Variants in ALG12 observed in about 807,000 individuals in gnomAD.
The protein encoded by ALG12 is ALG12 alpha-1,6-mannosyltransferase.
Under a neutral mutation model 46.0 loss-of-function variants are expected in ALG12, and 36 were observed. The ratio of observed to expected loss-of-function variants is 0.78; its 90% CI spans 0.60 to 1.03. The LOEUF is 1.03. Ranked by LOEUF, ALG12 falls within the 50% of genes least tolerant of loss-of-function variation. ALG12 has a pLI of 0.00. For synonymous variants in ALG12, 326 were observed against 291.6 expected (o/e 1.12, Z -1.20); for missense variants, 599 against 633.5 (o/e 0.95, Z 0.58).
chr22:49,904,748 A>G (rs1437516762), intron 7 of ALG12, among the ~76,000 whole-genome samples: 1 of 152,076 alleles, frequency 6.6e-6, no homozygotes, highest in Non-Finnish European at 1.5e-5. Context: ...TAAAATATAT[A>G]TATATTTTTG....
In ALG12 at chr22:49,918,392, C is replaced by A; in HGVS notation, c.-208G>T. 6.0e-6 allele frequency: 1 copy of A among 167,332 alleles called. No homozygotes were observed. Among genetic ancestry groups the A allele is most frequent in the Non-Finnish European group, 1.3e-5 (1 of 78,014 alleles). The allele number at this position is 167,332 out of a possible 1,614,324, so 10.4% of individuals were successfully genotyped here. A position where few individuals can be genotyped will look rare whatever the true frequency, so the allele number is the denominator to read the frequency against. ...CCCAAATCTAAAGTGGCTACCGCAG[C>A]CCCGGCCGCTACGGCCGCAGAGACC... On this transcript the variant is annotated 5_prime_UTR_variant, in exon 1 of 10. Transcript: ENST00000330817.
chr22:49,907,741 A>G lies in ALG12; in HGVS notation c.972T>C (p.Ala324=). The part of the protein sequence containing the change: ...IYAFPMLNIT[A]ARGCSYLLNN... ...CTCACAGGTAGGAGCAGCCTCTGGC[A>G]GCCGTGATGTTGAGCATGGGGAAGG... is the stretch of plus-strand genomic sequence containing the variant. Residue 324 remains alanine, a synonymous_variant, in exon 7 of 10, where the codon GCT becomes GCC. Transcript: ENST00000330817. The G allele has an allele frequency of 6.2e-7, 1 of 1,614,124 alleles. No individual in the cohort carries two copies. The highest frequency in any genetic ancestry group is 8.5e-7 in the Non-Finnish European group (1 of 1,180,034).
chr22:49,869,398 C>T, the ALG12 span, among the ~76,000 whole-genome samples: 1 of 152,202 alleles, frequency 6.6e-6, no homozygotes, highest in African/African-American at 2.4e-5. Flanking sequence ...GTCCTCCAGA[C>T]CAGATTATTT....
chr22:49,913,787 A>T lies in ALG12; in HGVS notation c.-22T>A. On this transcript the variant is annotated 5_prime_UTR_variant, in exon 2 of 10. Transcript: ENST00000330817. ...CCATTCCAGGCTTTCAGCTTCACGTACCTTCACAGGCCAACAGTGCGAGAC... is the reference window on the plus strand; with the variant it reads ...CCATTCCAGGCTTTCAGCTTCACGTTCCTTCACAGGCCAACAGTGCGAGAC... 6.2e-7 allele frequency: 1 copy of T among 1,611,790 alleles called. No individual in the cohort carries two copies.
the ALG12 span, among the ~76,000 whole-genome samples, chr22:49,871,584 T>G: frequency 6.6e-6 from 1 of 152,122 alleles, no homozygotes; most frequent in Non-Finnish European, 1.5e-5. Context: ...TTAAAAAGCT[T>G]GTTGCTGAAA....
At chr22:49,908,293 G>C (rs972819772) in intron 6 of ALG12, among the ~76,000 whole-genome samples, 1 of 152,104 alleles carries the variant, frequency 6.6e-6, no homozygotes, top group Non-Finnish European at 1.5e-5. Context: ...ACTTCGGGAG[G>C]CCAAGGTGGG....
At chr22:49,887,189 G>A in the ALG12 span, 37 of 1,595,100 alleles carry the variant, frequency 2.3e-5, no homozygotes, top group East Asian at 4.2e-4. Context: ...AACTCACGAC[G>A]GCACCACTAG....
Position 49,906,691 on chromosome 22 carries a change from C to A in ALG12, c.992+1030G>T, listed in dbSNP as rs1207920557. On this transcript the variant is annotated intron_variant, in intron 7 of 9. Transcript: ENST00000330817. This position sits in a 1 kb window ranked among gnomAD's most constrained non-coding sequence, Gnocchi z 4.4. ...AGGCCGCGGCCCTCCTGGCCTGTAG[C>A]CCTGCCGCCCCTCAATGCCCAGCGT... 1.3e-5 allele frequency among the ~76,000 whole-genome samples: 2 copies of A among 152,192 alleles called. No individual in the cohort carries two copies. The highest frequency in any genetic ancestry group is 2.9e-5 in the Non-Finnish European group (2 of 68,022).
At chr22:49,860,336 T>C in the ALG12 span, among the ~76,000 whole-genome samples, 2 of 152,152 alleles carry the variant, frequency 1.3e-5, no homozygotes, top group Admixed American at 1.3e-4. Flanking sequence ...TACATATATA[T>C]AGTTTTACTT....
the ALG12 span, among the ~76,000 whole-genome samples, chr22:49,872,113 A>T: frequency 6.6e-6 from 1 of 152,346 alleles, no homozygotes; most frequent in African/African-American, 2.4e-5. Flanking sequence ...AGTTCTCCAT[A>T]GTGTACATTT....
At chr22:49,878,241 G>A in the ALG12 span, among the ~76,000 whole-genome samples, 1 of 143,438 alleles carries the variant, frequency 7.0e-6, no homozygotes, top group Non-Finnish European at 1.5e-5. Context: ...GGAGGCGGAG[G>A]TTACAGTGAG....
At chr22:49,872,356 A>G in the ALG12 span, among the ~76,000 whole-genome samples, 2 of 152,182 alleles carry the variant, frequency 1.3e-5, no homozygotes, top group African/African-American at 2.4e-5. Flanking sequence ...ATTCCGCCGT[A>G]TCTTTGGGTT....
At chr22:49,887,905 CTCA>C in the ALG12 span, 1 of 167,242 alleles carries the variant, frequency 6.0e-6, no homozygotes, top group African/African-American at 2.4e-5. Context: ...TGTAACTGTG[CTCA>C]TCACTTCGCC....
the ALG12 span, among the ~76,000 whole-genome samples, chr22:49,859,644 G>A: frequency 5.9e-5 from 9 of 152,256 alleles, no homozygotes; most frequent in South Asian, 1.0e-3. Flanking sequence ...TGCCCTGTTC[G>A]CGGACACAGC....
At chr22:49,912,873 G>GA (rs71729997) in intron 3 of ALG12, among the ~76,000 whole-genome samples, 11,998 of 148,938 alleles carry the variant, frequency 0.081, 590 homozygotes, top group South Asian at 0.12. Flanking sequence ...TCTCAAAAAA[G>GA]AAAAAAAAAT....
At chr22:49,884,226 G>T in the ALG12 span, 5 of 1,602,560 alleles carry the variant, frequency 3.1e-6, no homozygotes, top group African/African-American at 1.3e-5. Context: ...CCTCACTCCT[G>T]CTTCCACCAC....
chr22:49,908,150 C>G (rs2060554264), intron 6 of ALG12, among the ~76,000 whole-genome samples: 1 of 152,246 alleles, frequency 6.6e-6, no homozygotes, highest in Non-Finnish European at 1.5e-5. Flanking sequence ...ACACATACCA[C>G]TTGGGCGTCG....
At chr22:49,870,698 A>C in the ALG12 span, among the ~76,000 whole-genome samples, 1 of 152,102 alleles carries the variant, frequency 6.6e-6, no homozygotes, top group East Asian at 1.9e-4. Flanking sequence ...AGCTTCTTAT[A>C]GATTCTGGAT....
the ALG12 span, among the ~76,000 whole-genome samples, chr22:49,882,786 G>A: frequency 6.6e-6 from 1 of 152,248 alleles, no homozygotes; most frequent in East Asian, 1.9e-4. Flanking sequence ...TGGGTGACAG[G>A]AGGATGGGCT....
Sources: allele counts gnomAD v4.1 joint callset (sites outside exome capture counted in the v4.1 genomes callset), GRCh38; gene constraint gnomAD v4.1.1; non-coding constraint Gnocchi (gnomAD v3.1); transcripts MANE v1.5; gene names NCBI Gene and HGNC (gene_info 2026-07-23, HGNC 2026-07-21).